The following IGF2BP3 variants were observed in gnomAD, a reference collection of about 807,000 sequenced individuals.
IGF2BP3 encodes the protein insulin-like growth factor 2 mRNA-binding protein 3.
IGF2BP3 carries 9 observed loss-of-function variants against 73.8 expected under a neutral mutation model. That is an observed-to-expected ratio of 0.12 (90% CI 0.07 to 0.21). The LOEUF (loss-of-function observed/expected upper bound fraction) is 0.21, where lower values mean the gene tolerates loss of function less well. Ranked by LOEUF, IGF2BP3 falls within the 10% of genes least tolerant of loss-of-function variation. IGF2BP3 has a pLI of 1.00. For synonymous variants in IGF2BP3, 258 were observed against 256.7 expected, an observed-to-expected ratio of 1.01 and a Z score of -0.05; for missense variants, 542 against 714.0, an observed-to-expected ratio of 0.76 and a Z score of 2.75.
chr7:23,318,564 T>A (rs1050226647), intron 11 of IGF2BP3, among the ~76,000 whole-genome samples: 1 of 152,106 alleles, frequency 6.6e-6, no homozygotes, highest in Admixed American at 6.5e-5. Context: ...AAATACAGAA[T>A]CTTCAGAACA....
At chr7:23,410,387 T>C (rs1786981911) in intron 3 of IGF2BP3, among the ~76,000 whole-genome samples, 2 of 152,006 alleles carry the variant, frequency 1.3e-5, no homozygotes, top group Non-Finnish European at 2.9e-5. Context: ...ATGATGACCT[T>C]TAAGATGATC....
rs528117563 is a variant in IGF2BP3, at chr7:23,322,989, A to G, written c.1204-3735T>C. Reference sequence around the variant, plus strand: ...ATCATGCCAAAACGTAAAGACCATCAAGACTAGGAAGAAACTGCATGAACT... The same window carrying G: ...ATCATGCCAAAACGTAAAGACCATCGAGACTAGGAAGAAACTGCATGAACT... On this transcript the variant is annotated intron_variant, in intron 10 of 14. Coordinates refer to ENST00000258729, the MANE Select transcript of IGF2BP3 (RefSeq NM_006547.3). 2.4e-4 allele frequency among the ~76,000 whole-genome samples: 36 copies of G among 152,334 alleles called. 1 individual carries two copies. The highest frequency in any genetic ancestry group is 7.2e-4 in the African/African-American group (30 of 41,568).
chr7:23,352,256 G>A (rs1456995099), intron 5 of IGF2BP3, among the ~76,000 whole-genome samples: 1 of 151,432 alleles, frequency 6.6e-6, no homozygotes, highest in African/African-American at 2.4e-5. Context: ...ACACTATTTG[G>A]GGGAGAGTTT....
chr7:23,406,083 G>C (rs989913308), intron 3 of IGF2BP3, among the ~76,000 whole-genome samples: 2 of 146,606 alleles, frequency 1.4e-5, no homozygotes, highest in Non-Finnish European at 3.0e-5. Flanking sequence ...AAAAAAAAAA[G>C]AAAGAAAAAT....
At chr7:23,355,350 T>C (rs906170699) in intron 5 of IGF2BP3, among the ~76,000 whole-genome samples, 2 of 152,012 alleles carry the variant, frequency 1.3e-5, no homozygotes, top group East Asian at 1.9e-4. Context: ...TCCTCCCAAG[T>C]AGCTGGGATT....
At chr7:23,379,334 T>A (rs1465814975) in intron 3 of IGF2BP3, among the ~76,000 whole-genome samples, 1 of 152,202 alleles carries the variant, frequency 6.6e-6, no homozygotes, top group Non-Finnish European at 1.5e-5. Flanking sequence ...CTGCTGTAGT[T>A]AAAAAACTGC....
intron 3 of IGF2BP3, among the ~76,000 whole-genome samples, chr7:23,375,971 G>A (rs1464682384): frequency 4.6e-5 from 7 of 152,096 alleles, no homozygotes; most frequent in Non-Finnish European, 8.8e-5. Context: ...TCTCACTACC[G>A]ACTTATGCTA....
intron 2 of IGF2BP3, among the ~76,000 whole-genome samples, chr7:23,438,188 C>T (rs1345251743): frequency 2.0e-5 from 3 of 152,202 alleles, no homozygotes; most frequent in Admixed American, 6.5e-5. Flanking sequence ...GCCACGATCT[C>T]GGCTCACTGC....
At chr7:23,445,370 T>C (rs1788034978) in intron 2 of IGF2BP3, among the ~76,000 whole-genome samples, 1 of 152,072 alleles carries the variant, frequency 6.6e-6, no homozygotes, top group Admixed American at 6.6e-5. Flanking sequence ...GTGTTTCGTA[T>C]ACACTATAGA....
At chr7:23,381,553 T>C (rs1324183076) in intron 3 of IGF2BP3, among the ~76,000 whole-genome samples, 1 of 152,182 alleles carries the variant, frequency 6.6e-6, no homozygotes, top group African/African-American at 2.4e-5. Flanking sequence ...GATGGCTGAT[T>C]TTAAAATTTT....
intron 5 of IGF2BP3, among the ~76,000 whole-genome samples, chr7:23,352,451 G>C (rs1463569857): frequency 6.6e-6 from 1 of 151,956 alleles, no homozygotes; most frequent in African/African-American, 2.4e-5. Flanking sequence ...ATCATGCTTG[G>C]CTAATTTTTG....
chr7:23,441,873 C>G (rs1324986668), intron 2 of IGF2BP3, among the ~76,000 whole-genome samples: 2 of 152,102 alleles, frequency 1.3e-5, no homozygotes. Context: ...GCCTTTAATC[C>G]CAGCACTTTG....
intron 2 of IGF2BP3, among the ~76,000 whole-genome samples, chr7:23,439,516 C>G (rs747345196): frequency 6.0e-5 from 8 of 133,874 alleles, no homozygotes; most frequent in Non-Finnish European, 9.2e-5. Flanking sequence ...AAGATCGTGC[C>G]ACTGCACTCC....
At chr7:23,358,905 C>A (rs1376502527) in intron 5 of IGF2BP3, among the ~76,000 whole-genome samples, 1 of 152,170 alleles carries the variant, frequency 6.6e-6, no homozygotes, top group African/African-American at 2.4e-5. Context: ...CAGGGAGGAA[C>A]TAAAATTAGG....
chr7:23,325,621 C>G (rs1211551976), intron 10 of IGF2BP3, among the ~76,000 whole-genome samples: 3 of 152,192 alleles, frequency 2.0e-5, no homozygotes, highest in Non-Finnish European at 4.4e-5. Flanking sequence ...CCAAGTCAAT[C>G]CTAAGCCAAA....
At chr7:23,356,007 A>C (rs1034496500) in intron 5 of IGF2BP3, among the ~76,000 whole-genome samples, 2 of 152,150 alleles carry the variant, frequency 1.3e-5, no homozygotes, top group Non-Finnish European at 2.9e-5. Context: ...AGAGACAATA[A>C]ATAGTTCAAC....
At chr7:23,453,993 AT>A (rs1189729566) in intron 2 of IGF2BP3, among the ~76,000 whole-genome samples, 16 of 152,030 alleles carry the variant, frequency 1.1e-4, no homozygotes, top group Non-Finnish European at 2.1e-4. Context: ...TGCCTGGCTA[AT>A]TTTTGTTATT....
chr7:23,338,157 T>C (rs117333076), intron 10 of IGF2BP3, among the ~76,000 whole-genome samples: 3 of 151,968 alleles, frequency 2.0e-5, no homozygotes, highest in African/African-American at 4.8e-5. Flanking sequence ...TTCCTACGAG[T>C]TGGGATGGCA....
chr7:23,389,199 C>T (rs933675720), intron 3 of IGF2BP3, among the ~76,000 whole-genome samples: 18 of 150,606 alleles, frequency 1.2e-4, no homozygotes, highest in African/African-American at 2.5e-4. Context: ...CTCACTCTGT[C>T]GCCCAGGCTG....
Sources: allele counts gnomAD v4.1 joint callset (sites outside exome capture counted in the v4.1 genomes callset), GRCh38; gene constraint gnomAD v4.1.1; transcripts MANE v1.5; gene names NCBI Gene and HGNC (gene_info 2026-07-23, HGNC 2026-07-21).